PRLR: variants seen among roughly 807,000 people sequenced by gnomAD.
The protein encoded by PRLR is hPRL receptor.
A neutral mutation model predicts 40.2 loss-of-function variants in PRLR; 13 were observed. The observed-to-expected ratio is 0.32, with a 90% CI of 0.21 to 0.51. The LOEUF (loss-of-function observed/expected upper bound fraction) is 0.51, where lower values mean the gene tolerates loss of function less well. Ranked by LOEUF, PRLR falls within the 20% of genes least tolerant of loss-of-function variation. The pLI is 0.97. For synonymous variants in PRLR, 269 were observed against 278.7 expected (o/e 0.97, Z 0.35); for missense variants, 656 against 747.3 (o/e 0.88, Z 1.42).
chr5:35,060,356 A>G lies in PRLR; in HGVS notation c.*4733T>C, dbSNP rs1411678672. The G allele has an allele frequency of 6.6e-6, 1 of 152,230 alleles. No homozygotes were observed. The highest frequency in any genetic ancestry group is 1.5e-5 in the Non-Finnish European group (1 of 68,046). 9.4% of individuals were successfully genotyped at this position (152,230 alleles called of 1,614,324 possible). A position where few individuals can be genotyped will look rare whatever the true frequency, so the allele number is the denominator to read the frequency against. ...GGAAAAGGAGAAGCAAGGATGTTAA[A>G]TCAATCTGAGTTGGAGGAACAGATC... is the stretch of plus-strand genomic sequence containing the variant. On this transcript the variant is annotated 3_prime_UTR_variant, in exon 10 of 10. Coordinates refer to ENST00000618457, the MANE Select transcript of PRLR (RefSeq NM_000949.7).
intron 3 of PRLR, among the ~76,000 whole-genome samples, chr5:35,087,503 G>A (rs1770934756): frequency 6.6e-6 from 1 of 151,494 alleles, no homozygotes; most frequent in Non-Finnish European, 1.5e-5. Context: ...GGCTTCAAGA[G>A]TGTGTGGCCC....
intron 2 of PRLR, among the ~76,000 whole-genome samples, chr5:35,092,423 G>A (rs924144045): frequency 3.3e-5 from 5 of 152,184 alleles, no homozygotes; most frequent in African/African-American, 9.7e-5. Flanking sequence ...CCCCTAAAGG[G>A]GCTATGCTAA....
rs186079845 is a variant in PRLR, at chr5:35,145,995, T to G, written c.-105-27873A>C. Among the ~76,000 whole-genome samples the G allele has an allele frequency of 3.9e-5, 6 of 152,322 alleles. No homozygotes were observed. The East Asian group carries it at 1.2e-3, about 29-fold the overall frequency. On this transcript the variant is annotated intron_variant, in intron 1 of 9. Coordinates refer to ENST00000618457, the MANE Select transcript of PRLR (RefSeq NM_000949.7). ...AGGACTGTTCCCAATAGACGACATATAGTTTCCTTAAGTCACTGGTGGTGT... is the reference window on the plus strand; with the variant it reads ...AGGACTGTTCCCAATAGACGACATAGAGTTTCCTTAAGTCACTGGTGGTGT...
At chr5:35,136,013 A>T (rs1773848759) in intron 1 of PRLR, among the ~76,000 whole-genome samples, 1 of 152,234 alleles carries the variant, frequency 6.6e-6, no homozygotes, top group African/African-American at 2.4e-5. Flanking sequence ...GCAATGTGAG[A>T]AGCAGCTGAG....
intron 2 of PRLR, among the ~76,000 whole-genome samples, chr5:35,114,799 C>T (rs963886892): frequency 6.6e-6 from 1 of 152,148 alleles, no homozygotes; most frequent in Non-Finnish European, 1.5e-5. Flanking sequence ...GCTACAAAGC[C>T]GACCCCAGTG....
intron 1 of PRLR, among the ~76,000 whole-genome samples, chr5:35,199,448 C>G (rs1308788194): frequency 6.6e-6 from 1 of 152,142 alleles, no homozygotes; most frequent in African/African-American, 2.4e-5. Flanking sequence ...AATTCTCACT[C>G]TCTCCTATGA....
intron 1 of PRLR, among the ~76,000 whole-genome samples, chr5:35,133,579 A>G (rs929939480): frequency 6.6e-6 from 1 of 152,148 alleles, no homozygotes; most frequent in African/African-American, 2.4e-5. Flanking sequence ...CTTTAAGCTC[A>G]CTTCCTCCAT....
chr5:35,072,881 G>C (rs1284426561), intron 5 of PRLR, 137 bp from the exon 6 acceptor site: 8 of 996,306 alleles, frequency 8.0e-6, no homozygotes, highest in Admixed American at 2.9e-5. Context: ...CAAATACCCG[G>C]GCCTTTTGTC....
chr5:35,065,633 C>T lies in PRLR; in HGVS notation c.1325G>A (p.Gly442Asp), dbSNP rs375980558. The T allele has an allele frequency of 1.2e-6, 2 of 1,613,876 alleles. No homozygotes were observed. The highest frequency in any genetic ancestry group is 1.7e-6 in the Non-Finnish European group (2 of 1,179,892). The change falls in exon 10 of 10, where the codon GGC becomes GAC. Residue 442 changes from glycine (G) to aspartate (D), a missense_variant. Gly to Asp is a moderately conservative substitution (Grantham distance 94). This residue lies in a region of PRLR where 469 missense variants were observed against 491.5 expected (regional missense o/e 0.95). Transcript: ENST00000618457. ...CAGAGTGGCCGGTGCACCTGCAGGG[C>T]CCACAGCCAGCTCACACACATCAGT... is the stretch of plus-strand genomic sequence containing the variant. Reference protein sequence around the residue: ...NITDVCELAVGPAGAPATLLN... With the variant: ...NITDVCELAVDPAGAPATLLN...
intron 1 of PRLR, among the ~76,000 whole-genome samples, chr5:35,212,243 A>G (rs1776188775): frequency 6.6e-6 from 1 of 152,224 alleles, no homozygotes; most frequent in Non-Finnish European, 1.5e-5. Flanking sequence ...TCTGATCATC[A>G]TGTCTTTGGA....
chr5:35,151,779 ATT>A (rs1162820973), intron 1 of PRLR, among the ~76,000 whole-genome samples: 1 of 152,166 alleles, frequency 6.6e-6, no homozygotes, highest in Non-Finnish European at 1.5e-5. Flanking sequence ...CCTCCAGCTG[ATT>A]TCAGTTTCCA....
intron 1 of PRLR, among the ~76,000 whole-genome samples, chr5:35,169,706 G>T (rs1225544637): frequency 2.6e-5 from 4 of 152,144 alleles, no homozygotes; most frequent in Admixed American, 2.0e-4. Context: ...CACCCACGAG[G>T]GTTAGCTTTT....
chr5:35,119,998 G>A (rs1258383199), intron 1 of PRLR, among the ~76,000 whole-genome samples: 1 of 152,064 alleles, frequency 6.6e-6, no homozygotes, highest in Non-Finnish European at 1.5e-5. Flanking sequence ...TTTAGGAAAT[G>A]CTTGGCTTAC....
chr5:35,100,045 G>A (rs1771776636), intron 2 of PRLR, among the ~76,000 whole-genome samples: 1 of 151,950 alleles, frequency 6.6e-6, no homozygotes, highest in African/African-American at 2.4e-5. Flanking sequence ...GGGCCTGGTG[G>A]CTGGCATCTG....
chr5:35,225,871 G>A (rs1434548222), intron 1 of PRLR, among the ~76,000 whole-genome samples: 2 of 152,208 alleles, frequency 1.3e-5, no homozygotes, highest in African/African-American at 4.8e-5. Context: ...TAATAGAGAC[G>A]GGGTTTCACC....
intron 5 of PRLR, among the ~76,000 whole-genome samples, chr5:35,082,244 T>C (rs1220335108): frequency 6.6e-6 from 1 of 152,196 alleles, no homozygotes; most frequent in Non-Finnish European, 1.5e-5. Flanking sequence ...ACTGAGTAAA[T>C]ACCTAAGAAA....
At chr5:35,212,498 T>C (rs1252385191) in intron 1 of PRLR, among the ~76,000 whole-genome samples, 2 of 152,224 alleles carry the variant, frequency 1.3e-5, no homozygotes, top group Non-Finnish European at 2.9e-5. Context: ...ACCAAAGAGA[T>C]TAGCAGTGCT....
At chr5:35,217,695 A>C (rs532614214) in intron 1 of PRLR, among the ~76,000 whole-genome samples, 1 of 152,374 alleles carries the variant, frequency 6.6e-6, no homozygotes, top group African/African-American at 2.4e-5. Context: ...TGAATTTTAA[A>C]TGAACTAAAT....
intron 5 of PRLR, among the ~76,000 whole-genome samples, chr5:35,079,264 A>G (rs1770335588): frequency 6.6e-6 from 1 of 152,228 alleles, no homozygotes; most frequent in Admixed American, 6.5e-5. Context: ...GAGGAAGTCA[A>G]ATTGTCCCTG....
Sources: gnomAD v4.1 joint callset for allele counts (sites outside exome capture counted in the v4.1 genomes callset) on GRCh38, gnomAD v4.1.1 for gene constraint, gnomAD v4.1.1 regional missense constraint, MANE v1.5 for transcripts, NCBI Gene and HGNC (gene_info 2026-07-23, HGNC 2026-07-21) for gene names.